Variants in LONP1 observed in about 807,000 individuals in gnomAD.
The protein encoded by LONP1 is lon peptidase 1, mitochondrial.
Under a neutral mutation model 98.5 loss-of-function variants are expected in LONP1, and 31 were observed. The observed-to-expected ratio is 0.31, with a 90% CI of 0.24 to 0.42. The LOEUF (loss-of-function observed/expected upper bound fraction) is 0.42, where lower values mean the gene tolerates loss of function less well. Ranked by LOEUF, LONP1 falls within the 20% of genes least tolerant of loss-of-function variation. The pLI, the probability that LONP1 is intolerant of heterozygous loss-of-function variation, is 1.00. For missense variants in LONP1, 1,336 were observed against 1,350.6 expected (o/e 0.99, Z 0.17); for synonymous variants, 781 against 594.7 (o/e 1.31, Z -4.56).
Position 5,693,711 on chromosome 19 carries a change from C to G in LONP1, c.2379G>C (p.Lys793Asn), listed in dbSNP as rs1489816182. The G allele has an allele frequency of 3.1e-6, 5 of 1,614,068 alleles. No individual in the cohort carries two copies. Among genetic ancestry groups the G allele is most frequent in the Non-Finnish European group, 2.5e-6 (3 of 1,179,978 alleles). ...CCTCCAGGCTGCCATCCTTGTCACC[C>G]TTGGCATCCTTGTCCTGTGGCCGTC... Reference protein sequence around the residue: ...SLRRPQDKDAKGDKDGSLEVT... With the variant: ...SLRRPQDKDANGDKDGSLEVT... Residue 793 changes from lysine (K) to asparagine (N), a missense_variant, in exon 16 of 18, where the codon AAG (lysine) becomes AAC (asparagine). Transcript: ENST00000360614.
At chr19:5,705,683 G>A in intron 8 of LONP1, 89 bp downstream of exon 8, 1 of 1,185,792 alleles carries the variant, frequency 8.4e-7, no homozygotes, top group Non-Finnish European at 1.2e-6. Context: ...AGGTGCCACG[G>A]GGCTCCCCGC....
upstream of LONP1, chr19:5,720,329 T>C (rs1035756966): frequency 3.7e-6 from 3 of 820,688 alleles, no homozygotes; most frequent in African/African-American, 3.6e-5. Context: ...TCTCCCACTT[T>C]ATGCGCTGAA....
Position 5,700,797 on chromosome 19 carries a change from G to A in LONP1, c.1498C>T (p.Arg500Cys), listed in dbSNP as rs377243139. Residue 500 changes from arginine to cysteine, a missense_variant, in exon 9 of 18, where the codon CGC becomes TGC. Arg to Cys is a radical substitution (Grantham distance 180, BLOSUM62 -3). This residue lies in a region of LONP1 where 219 missense variants were observed against 241.0 expected (regional missense o/e 0.91). Transcript: ENST00000360614. ...DHYGMEDVKK[R>C]ILEFIAVSQL... ...CCAGACACTGGGCTCACCAGGATGCGTTTCTTGACGTCCTCCATGCCGTAG... is the reference window on the plus strand; with the variant it reads ...CCAGACACTGGGCTCACCAGGATGCATTTCTTGACGTCCTCCATGCCGTAG... 9 of 1,614,024 alleles carry A rather than the reference G, an allele frequency of 5.6e-6. No homozygotes were observed. The highest frequency in any genetic ancestry group is 2.2e-5 in the East Asian group (1 of 44,898).
At chr19:5,702,753 C>G (rs557321074) in intron 8 of LONP1, among the ~76,000 whole-genome samples, 2,441 of 151,426 alleles carry the variant, frequency 0.016, 36 homozygotes, top group East Asian at 0.033. Flanking sequence ...TGTGCTGTGT[C>G]CACTCAGGGT....
chr19:5,695,753 C>T (rs1032940068), intron 13 of LONP1, among the ~76,000 whole-genome samples: 1 of 152,254 alleles, frequency 6.6e-6, no homozygotes, highest in Non-Finnish European at 1.5e-5. Context: ...TCCCTACACT[C>T]TGGGCCAGGT....
At chr19:5,698,634 G>A (rs542214489) in intron 10 of LONP1, among the ~76,000 whole-genome samples, 129 of 152,318 alleles carry the variant, frequency 8.5e-4, no homozygotes, top group African/African-American at 3.0e-3. Context: ...TTCGGGGTGG[G>A]GGGTGGAGCC....
chr19:5,709,833 A>T (rs1295045804), intron 4 of LONP1, among the ~76,000 whole-genome samples: 1 of 144,112 alleles, frequency 6.9e-6, no homozygotes, highest in African/African-American at 2.7e-5. Context: ...AATGGTGTGA[A>T]CCCGGGAGGT....
At position 5,693,563 on chromosome 19, in the gene LONP1, G is replaced by T; in HGVS notation, c.2527C>A (p.His843Asn). The change falls in exon 16 of 18, where the codon CAT becomes AAT. Residue 843 changes from histidine to asparagine, a missense_variant. This residue lies in a region of LONP1 where 555 missense variants were observed against 542.6 expected (regional missense o/e 1.02). Transcript: ENST00000360614. ...DYLVTSHIHLHVPEGATPKDG... is the reference protein window; with the variant it reads ...DYLVTSHIHLNVPEGATPKDG... Reference sequence around the variant, plus strand: ...GATGGCGCGGTCACCTCGGGCACATGCAGGTGGATGTGTGAGGTCACCAGG... The same window carrying T: ...GATGGCGCGGTCACCTCGGGCACATTCAGGTGGATGTGTGAGGTCACCAGG... 1 of 1,614,060 alleles carries T rather than the reference G, an allele frequency of 6.2e-7. No individual in the cohort carries two copies. Among genetic ancestry groups the T allele is most frequent in the Non-Finnish European group, 8.5e-7 (1 of 1,179,990 alleles).
At chr19:5,703,631 C>T (rs539464451) in intron 8 of LONP1, among the ~76,000 whole-genome samples, 1 of 151,634 alleles carries the variant, frequency 6.6e-6, no homozygotes, top group East Asian at 1.9e-4. Flanking sequence ...AACGGGCATA[C>T]GAGACGCACC....
At position 5,691,887 on chromosome 19, in the gene LONP1, C is replaced by T; in HGVS notation, c.*145G>A. ...GCTTCTATGCCACACTCTGATTAAG[C>T]CGACTGAGGTCCCTGGGATCTGGGT... On this transcript the variant is annotated 3_prime_UTR_variant, in exon 18 of 18. Coordinates refer to ENST00000360614, the MANE Select transcript of LONP1 (RefSeq NM_004793.4). 2.1e-6 allele frequency: 2 copies of T among 935,026 alleles called. No homozygotes were observed. The highest frequency in any genetic ancestry group is 1.7e-5 in the South Asian group (1 of 60,204). The allele number at this position is 935,026 out of a possible 1,614,324, so 57.9% of individuals were successfully genotyped here. A position where few individuals can be genotyped will look rare whatever the true frequency, so the allele number is the denominator to read the frequency against.
At chr19:5,713,718 C>T (rs763582343) in intron 2 of LONP1, among the ~76,000 whole-genome samples, 8 of 152,264 alleles carry the variant, frequency 5.3e-5, no homozygotes, top group Non-Finnish European at 8.8e-5. Flanking sequence ...CCTGCCACCA[C>T]GCCTGGCTAA....
At position 5,694,805 on chromosome 19, in the gene LONP1, A is replaced by C; in HGVS notation, c.2110T>G (p.Cys704Gly). 2 of 1,599,632 alleles carry C rather than the reference A, an allele frequency of 1.3e-6. No homozygotes were observed. The highest frequency in any genetic ancestry group is 1.7e-6 in the Non-Finnish European group (2 of 1,168,970). ...DVLTLLIKQY[C>G]RESGVRNLQK... ...AGGTTGCGGACACCGCTCTCGCGGCAGTACTGCTTGATGAGCAGCGTCAGC... is the reference window on the plus strand; with the variant it reads ...AGGTTGCGGACACCGCTCTCGCGGCCGTACTGCTTGATGAGCAGCGTCAGC... The change falls in exon 14 of 18, where the codon TGC becomes GGC. Residue 704 changes from cysteine to glycine, a missense_variant. Around this residue, in one of 5 missense-constraint regions of LONP1, gnomAD observed 555 missense variants for 542.6 expected, o/e 1.02. Coordinates refer to ENST00000360614, the MANE Select transcript of LONP1 (RefSeq NM_004793.4).
Position 5,694,457 on chromosome 19 carries a change from C to T in LONP1, c.2250G>A (p.Val750=), listed in dbSNP as rs183274421. The T allele has an allele frequency of 6.2e-7, 1 of 1,613,520 alleles. No homozygotes were observed. Among genetic ancestry groups the T allele is most frequent in the East Asian group, 2.2e-5 (1 of 44,884 alleles). The change falls in exon 15 of 18, where the codon GTG becomes GTA. Residue 750 remains valine (V), a synonymous_variant. Coordinates refer to ENST00000360614, the MANE Select transcript of LONP1 (RefSeq NM_004793.4). The stretch of plus-strand genomic sequence containing the variant: ...CGTCATACATGCGCTCCACGGTGAA[C>T]ACGGGCTTCCCCACGAAGTCCTGCA... ...ENLQDFVGKP[V]FTVERMYDVT...
chr19:5,691,978 A>C lies in LONP1; in HGVS notation c.*54T>G, dbSNP rs1046055476. On this transcript the variant is annotated 3_prime_UTR_variant, in exon 18 of 18. Coordinates refer to ENST00000360614, the MANE Select transcript of LONP1 (RefSeq NM_004793.4). ...TCCGGGCGCGCTCCCCACAGCGCTC[A>C]GTTCTGGCCCAGACAGGGCCTGACA... 29 of 1,570,658 alleles carry C rather than the reference A, an allele frequency of 1.8e-5. No individual in the cohort carries two copies. Among genetic ancestry groups the C allele is most frequent in the Admixed American group, 5.5e-5 (3 of 54,796 alleles).
At chr19:5,717,187 C>G (rs565454795) in intron 1 of LONP1, among the ~76,000 whole-genome samples, 2 of 152,328 alleles carry the variant, frequency 1.3e-5, no homozygotes, top group Admixed American at 1.3e-4. Context: ...GTTCCTTACT[C>G]AAAAGTTGCT....
intron 8 of LONP1, 110 bp from the exon 9 acceptor site, chr19:5,701,037 A>G (rs1253957764): frequency 1.6e-6 from 2 of 1,264,150 alleles, no homozygotes; most frequent in African/African-American, 1.5e-5. Flanking sequence ...TGTGGGGCTG[A>G]GCGCGGTGGC....
intron 10 of LONP1, among the ~76,000 whole-genome samples, chr19:5,697,838 G>T (rs1212688028): frequency 6.6e-6 from 1 of 151,950 alleles, no homozygotes; most frequent in East Asian, 1.9e-4. Flanking sequence ...CCCTCCCAAG[G>T]CCAGAGGTGA....
intron 8 of LONP1, among the ~76,000 whole-genome samples, chr19:5,702,486 G>T (rs1416629729): frequency 3.3e-5 from 5 of 151,548 alleles, no homozygotes; most frequent in African/African-American, 1.2e-4. Context: ...GAGGAGTGGG[G>T]GTCAGCCCCC....
intron 7 of LONP1, 111 bp downstream of exon 7, chr19:5,706,949 C>G: frequency 1.1e-6 from 1 of 869,650 alleles, no homozygotes; most frequent in Non-Finnish European, 1.8e-6. Flanking sequence ...GCCTTCTTGG[C>G]TTGCCCTGGC....
Sources: gnomAD v4.1 joint callset for allele counts (sites outside exome capture counted in the v4.1 genomes callset) on GRCh38, gnomAD v4.1.1 for gene constraint, gnomAD v4.1.1 regional missense constraint, MANE v1.5 for transcripts, NCBI Gene and HGNC (gene_info 2026-07-23, HGNC 2026-07-21) for gene names.